FHIT: variants seen among roughly 807,000 people sequenced by gnomAD.
The protein encoded by FHIT is fragile histidine triad diadenosine triphosphatase.
Under a neutral mutation model 17.9 loss-of-function variants are expected in FHIT, and 19 were observed. That is an observed-to-expected ratio of 1.06 (90% CI 0.74 to 1.56). FHIT has a LOEUF of 1.56. Among genes scored for constraint, FHIT ranks in the 40% most tolerant of loss-of-function variants. FHIT has a pLI of 0.00. For synonymous variants in FHIT, 81 were observed against 69.7 expected, an observed-to-expected ratio of 1.16 and a Z score of -0.81; for missense variants, 248 against 189.2, an observed-to-expected ratio of 1.31 and a Z score of -1.82.
Position 60,641,150 on chromosome 3 carries a change from G to A in FHIT, c.-17-104171C>T, listed in dbSNP as rs557485168. Among the ~76,000 whole-genome samples, 24 of 152,014 alleles carry A rather than the reference G, an allele frequency of 1.6e-4. 1 individual carries two copies. Among genetic ancestry groups the A allele is most frequent in the South Asian group, 1.2e-3 (6 of 4,806 alleles). On this transcript the variant is annotated intron_variant, in intron 4 of 9. Coordinates refer to ENST00000492590, the MANE Select transcript of FHIT (RefSeq NM_002012.4). ...AGCCAAGATTATGCCATTGCACTCC[G>A]GCCTGGGCAACAGGAGTGAAACTCT...
At chr3:60,680,242 A>T (rs2040714637) in intron 4 of FHIT, among the ~76,000 whole-genome samples, 1 of 152,136 alleles carries the variant, frequency 6.6e-6, no homozygotes, top group Non-Finnish European at 1.5e-5. Flanking sequence ...TAATTTTGAC[A>T]ATTGGATAGA....
chr3:60,850,086 C>A (rs570447858), intron 3 of FHIT, among the ~76,000 whole-genome samples: 2 of 152,116 alleles, frequency 1.3e-5, no homozygotes, highest in South Asian at 4.2e-4. Flanking sequence ...CCCTCACAGG[C>A]CCCCATTCAG....
At chr3:59,846,958 A>T (rs1701743747) in intron 8 of FHIT, among the ~76,000 whole-genome samples, 1 of 152,052 alleles carries the variant, frequency 6.6e-6, no homozygotes, top group Non-Finnish European at 1.5e-5. Context: ...CTTAGTGAGG[A>T]TCCCTAGTGC....
At chr3:60,233,927 C>G (rs115435548) in intron 5 of FHIT, among the ~76,000 whole-genome samples, 1 of 152,126 alleles carries the variant, frequency 6.6e-6, no homozygotes, top group African/African-American at 2.4e-5. Context: ...TCCCCAACCA[C>G]GTGGAACTGT....
chr3:60,752,912 C>A (rs1021037835), intron 4 of FHIT, among the ~76,000 whole-genome samples: 1 of 152,104 alleles, frequency 6.6e-6, no homozygotes, highest in East Asian at 1.9e-4. Context: ...AAATAGAGAT[C>A]TCTAGGTATC....
chr3:60,521,708 C>CA (rs2035374267), intron 5 of FHIT, among the ~76,000 whole-genome samples: 1 of 152,058 alleles, frequency 6.6e-6, no homozygotes, highest in Non-Finnish European at 1.5e-5. Context: ...GCAAATCAAA[C>CA]AAAAAAGAAT....
chr3:60,246,054 A>G (rs985556078), intron 5 of FHIT, among the ~76,000 whole-genome samples: 3 of 152,254 alleles, frequency 2.0e-5, no homozygotes, highest in South Asian at 2.1e-4. Flanking sequence ...TGCTTAAAAA[A>G]TGCTTATTTT....
Position 60,886,492 on chromosome 3 carries a change from G to T in FHIT, c.-110-64481C>A, listed in dbSNP as rs542218635. On this transcript the variant is annotated intron_variant, in intron 3 of 9. Transcript: ENST00000492590. ...ATACTCATAGGGACAATGGTATTTA[G>T]CAAATATCACATTGACTTCTGGTAA... 7.2e-5 allele frequency among the ~76,000 whole-genome samples: 11 copies of T among 152,282 alleles called. No homozygotes were observed. The South Asian group carries it at 2.1e-3, about 29-fold the overall frequency.
chr3:59,948,870 G>A lies in FHIT; in HGVS notation c.280-26456C>T, dbSNP rs114215167. On this transcript the variant is annotated intron_variant, in intron 7 of 9. Transcript: ENST00000492590. The stretch of plus-strand genomic sequence containing the variant: ...TCCCCACAGTTCCATGAATACTATA[G>A]ACTTTTTTTCCTTTTTCAACTTTTA... Among the ~76,000 whole-genome samples the A allele has an allele frequency of 5.4e-3, 824 of 151,652 alleles. 10 individuals carry two copies. Among genetic ancestry groups the A allele is most frequent in the African/African-American group, 0.019 (773 of 41,292 alleles).
At chr3:59,990,362 A>G (rs956637924) in intron 7 of FHIT, among the ~76,000 whole-genome samples, 1 of 152,012 alleles carries the variant, frequency 6.6e-6, no homozygotes, top group Non-Finnish European at 1.5e-5. Context: ...TTTCCTGTGG[A>G]TTTGTATCAG....
chr3:60,989,444 A>G (rs763018504), intron 3 of FHIT, among the ~76,000 whole-genome samples: 8 of 152,106 alleles, frequency 5.3e-5, no homozygotes, highest in Non-Finnish European at 1.2e-4. Context: ...CATATTACGG[A>G]AACTTTAATT....
intron 4 of FHIT, among the ~76,000 whole-genome samples, chr3:60,573,218 C>T (rs942131022): frequency 6.6e-6 from 1 of 152,146 alleles, no homozygotes; most frequent in Non-Finnish European, 1.5e-5. Context: ...ACATGGGGCA[C>T]TGTCCATAAC....
At chr3:60,220,164 G>A (rs1434661324) in intron 5 of FHIT, among the ~76,000 whole-genome samples, 1 of 152,070 alleles carries the variant, frequency 6.6e-6, no homozygotes, top group African/African-American at 2.4e-5. Context: ...ACAAAGTGGA[G>A]GCCTCTAGTC....
chr3:60,389,381 G>T (rs1701138094), intron 5 of FHIT, among the ~76,000 whole-genome samples: 1 of 152,172 alleles, frequency 6.6e-6, no homozygotes, highest in Non-Finnish European at 1.5e-5. Flanking sequence ...GATAGAAAAT[G>T]TGCAGTAAGG....
chr3:59,977,419 A>C (rs1377444809), intron 7 of FHIT, among the ~76,000 whole-genome samples: 1 of 152,188 alleles, frequency 6.6e-6, no homozygotes, highest in East Asian at 1.9e-4. Context: ...CTTTAAAATA[A>C]ATCCAGCCTG....
intron 2 of FHIT, among the ~76,000 whole-genome samples, chr3:61,155,289 C>T (rs548750713): frequency 1.4e-4 from 21 of 152,118 alleles, no homozygotes; most frequent in Non-Finnish European, 2.4e-4. Flanking sequence ...ACCTTTGTAA[C>T]TTTCACAGGA....
intron 5 of FHIT, among the ~76,000 whole-genome samples, chr3:60,073,095 G>C (rs971826113): frequency 3.9e-5 from 6 of 152,120 alleles, no homozygotes; most frequent in African/African-American, 1.2e-4. Flanking sequence ...CTGCAGGTGT[G>C]AGTAATTAGA....
At chr3:61,007,381 C>T (rs1295520543) in intron 3 of FHIT, among the ~76,000 whole-genome samples, 3 of 152,136 alleles carry the variant, frequency 2.0e-5, no homozygotes, top group African/African-American at 4.8e-5. Context: ...CAGGCATTAA[C>T]AACAGTTTAC....
intron 4 of FHIT, among the ~76,000 whole-genome samples, chr3:60,643,264 A>G (rs966389941): frequency 6.6e-6 from 1 of 151,964 alleles, no homozygotes; most frequent in African/African-American, 2.4e-5. Flanking sequence ...GCATTAAATT[A>G]CTGGAAACAC....
Sources: allele counts gnomAD v4.1 joint callset (sites outside exome capture counted in the v4.1 genomes callset), GRCh38; gene constraint gnomAD v4.1.1; transcripts MANE v1.5; gene names NCBI Gene and HGNC (gene_info 2026-07-23, HGNC 2026-07-21).